ZBTB10: variants seen among roughly 807,000 people sequenced by gnomAD.
ZBTB10 encodes the protein zinc finger and BTB domain-containing protein 10.
Under a neutral mutation model 76.4 loss-of-function variants are expected in ZBTB10, and 32 were observed. The ratio of observed to expected loss-of-function variants is 0.42; its 90% CI spans 0.32 to 0.56. The LOEUF is 0.56. Ranked by LOEUF, ZBTB10 falls within the 20% of genes least tolerant of loss-of-function variation. The pLI is 0.14. For synonymous variants in ZBTB10, 523 were observed against 432.9 expected (o/e 1.21, Z -2.58); for missense variants, 1,057 against 1,098.5 (o/e 0.96, Z 0.53).
chr8:80,519,157 G>C, intron 5 of ZBTB10, 66 bp from the exon 6 acceptor site: 1 of 1,500,900 alleles, frequency 6.7e-7, no homozygotes, highest in Non-Finnish European at 8.9e-7. Context: ...GGTTTAATTT[G>C]AGTGGTTCAA....
At chr8:80,485,758 T>C (rs1296147818), upstream of ZBTB10, 6 of 1,530,914 alleles carry the variant, frequency 3.9e-6, no homozygotes, top group East Asian at 1.2e-4. Context: ...TTCACTTCCT[T>C]GGGCACCGCC....
chr8:80,518,273 TTTTA>T, intron 3 of ZBTB10, 126 bp from the exon 4 acceptor site: 1 of 905,180 alleles, frequency 1.1e-6, no homozygotes, highest in African/African-American at 1.9e-5. Context: ...TAAAATACAG[TTTTA>T]TTTAACTCAT....
chr8:80,513,086 C>T (rs142077358), intron 2 of ZBTB10, among the ~76,000 whole-genome samples: 8 of 152,152 alleles, frequency 5.3e-5, no homozygotes, highest in African/African-American at 1.9e-4. Flanking sequence ...TTCTCACTGT[C>T]TCATCTGTTT....
Position 80,486,464 on chromosome 8 carries a change from T to G in ZBTB10, c.-347T>G. On this transcript the variant is annotated 5_prime_UTR_variant, in exon 1 of 6. Coordinates refer to ENST00000455036, the MANE Select transcript of ZBTB10 (RefSeq NM_001105539.3). ...AGCGGAGGGTCTCCCCGCACTCCGC[T>G]GCTCAACTTCGAAGGCCTCGCTCGC... 2.0e-6 allele frequency: 2 copies of G among 985,038 alleles called. No individual in the cohort carries two copies. The highest frequency in any genetic ancestry group is 2.4e-6 in the Non-Finnish European group (2 of 829,938). The allele number at this position is 985,038 out of a possible 1,614,324, so 61.0% of individuals were successfully genotyped here. A position where few individuals can be genotyped will look rare whatever the true frequency, so the allele number is the denominator to read the frequency against.
Position 80,513,991 on chromosome 8 carries a change from A to G in ZBTB10, c.1943A>G (p.Gln648Arg). The change falls in exon 3 of 6, where the codon CAA (glutamine) becomes CGA (arginine). Residue 648 changes from glutamine to arginine, a missense_variant. Gln to Arg is a conservative substitution (Grantham distance 43). This residue lies in a region of ZBTB10 where 306 missense variants were observed against 297.5 expected (regional missense o/e 1.03). Transcript: ENST00000455036. ...TTATTGGCTGAAGCTGGCACTAGTC[A>G]AGATGGAGGTGATGCTGGTAGGTAC... ...ANLLAEAGTS[Q>R]DGGDAGTSHD... 1 of 1,613,470 alleles carries G rather than the reference A, an allele frequency of 6.2e-7. No individual in the cohort carries two copies. Among genetic ancestry groups the G allele is most frequent in the East Asian group, 2.2e-5 (1 of 44,858 alleles).
At chr8:80,504,657 C>T (rs1467815061) in intron 2 of ZBTB10, among the ~76,000 whole-genome samples, 1 of 152,108 alleles carries the variant, frequency 6.6e-6, no homozygotes, top group African/African-American at 2.4e-5. Context: ...AGAATATGCA[C>T]ATACTGGGAT....
At chr8:80,519,101 A>T in intron 5 of ZBTB10, 122 bp from the exon 6 acceptor site, 1 of 1,399,580 alleles carries the variant, frequency 7.1e-7, no homozygotes, top group Non-Finnish European at 9.5e-7. Context: ...ACTGATAGTG[A>T]GCTTTTTACA....
At position 80,526,259 on chromosome 8, in the gene ZBTB10, A is replaced by G. The variant is rs1210417648; in HGVS notation, c.*6731A>G. 1 of 152,214 alleles carries G rather than the reference A, an allele frequency of 6.6e-6. No homozygotes were observed. The highest frequency in any genetic ancestry group is 2.4e-5 in the African/African-American group (1 of 41,456). 9.4% of individuals were successfully genotyped at this position (152,214 alleles called of 1,614,324 possible). A position where few individuals can be genotyped will look rare whatever the true frequency, so the allele number is the denominator to read the frequency against. ...AATAATACATCAATAAAGGTATTTT[A>G]AAATGACCTAATGTTTTAGTTGCCA... is the stretch of plus-strand genomic sequence containing the variant. On this transcript the variant is annotated 3_prime_UTR_variant, in exon 6 of 6. Coordinates refer to ENST00000455036, the MANE Select transcript of ZBTB10 (RefSeq NM_001105539.3).
At chr8:80,493,043 G>A (rs1396485546) in intron 1 of ZBTB10, among the ~76,000 whole-genome samples, 1 of 151,384 alleles carries the variant, frequency 6.6e-6, no homozygotes, top group East Asian at 2.0e-4. Flanking sequence ...GTGAAACCCC[G>A]TCTCTACTGA....
intron 2 of ZBTB10, among the ~76,000 whole-genome samples, chr8:80,511,058 T>G (rs1816179827): frequency 6.6e-6 from 1 of 152,186 alleles, no homozygotes; most frequent in African/African-American, 2.4e-5. Context: ...ATATATTGGT[T>G]CCTGAAAGTT....
intron 1 of ZBTB10, among the ~76,000 whole-genome samples, chr8:80,493,195 G>C (rs1005371475): frequency 9.2e-6 from 1 of 109,186 alleles, no homozygotes; most frequent in Admixed American, 9.1e-5. Flanking sequence ...GCCTCAAAAC[G>C]CGCGCGCGCG....
intron 2 of ZBTB10, among the ~76,000 whole-genome samples, chr8:80,510,646 GTGTGTGTGT>G (rs1816166413): frequency 2.1e-5 from 3 of 145,256 alleles, no homozygotes; most frequent in Non-Finnish European, 3.1e-5. Context: ...ACCAGTGTGT[GTGTGTGTGT>G]GTGTGTGTGT....
In ZBTB10 at chr8:80,519,520, G is replaced by C. The variant is rs1451755936; in HGVS notation, c.2608G>C (p.Asp870His). The C allele has an allele frequency of 1.2e-6, 2 of 1,607,646 alleles. No individual in the cohort carries two copies. The highest frequency in any genetic ancestry group is 1.7e-6 in the Non-Finnish European group (2 of 1,176,962). Residue 870 changes from aspartate (D) to histidine (H), a missense_variant, in exon 6 of 6, where the codon GAT becomes CAT. By Grantham distance (81) the Asp-to-His change is moderately conservative (BLOSUM62 -1). Transcript: ENST00000455036. ...ATCAGGAGAAGTTTGTATGTCTCTAGATGATTAACTGACCTACTATACTCC... is the reference window on the plus strand; with the variant it reads ...ATCAGGAGAAGTTTGTATGTCTCTACATGATTAACTGACCTACTATACTCC... ...DESGEVCMSL[D>H]D
chr8:80,493,207 G>GCACACACACACACACACACACACA (rs369440030), intron 1 of ZBTB10, among the ~76,000 whole-genome samples: 1 of 125,244 alleles, frequency 8.0e-6, no homozygotes, highest in African/African-American at 3.1e-5. Flanking sequence ...GCGCGCGCGC[G>GCACACACACACACACACACACACA]CACACACACA....
In ZBTB10 at chr8:80,487,514, C is replaced by T. The variant is rs764512748; in HGVS notation, c.704C>T (p.Pro235Leu). Residue 235 changes from proline (P) to leucine (L), a missense_variant, in exon 1 of 6, where the codon CCG becomes CTG. This residue lies in a region of ZBTB10 where 556 missense variants were observed against 451.7 expected (regional missense o/e 1.23). Coordinates refer to ENST00000455036, the MANE Select transcript of ZBTB10 (RefSeq NM_001105539.3). ...GAAGGAGAGACTGTCCAGCACTTCC[C>T]GCTCGCGCGGCCCAAGTCTCTAATG... The part of the protein sequence containing the change: ...AGEGETVQHF[P>L]LARPKSLMQK... 5.8e-6 allele frequency: 9 copies of T among 1,563,422 alleles called. No individual in the cohort carries two copies. Among genetic ancestry groups the T allele is most frequent in the African/African-American group, 1.4e-5 (1 of 73,610 alleles).
intron 2 of ZBTB10, among the ~76,000 whole-genome samples, chr8:80,507,062 C>A (rs1035894818): frequency 1.3e-5 from 2 of 152,172 alleles, no homozygotes; most frequent in Non-Finnish European, 1.5e-5. Flanking sequence ...GTAATCCCAG[C>A]ACTTTGGGAG....
chr8:80,489,331 T>G (rs184588592), intron 1 of ZBTB10, among the ~76,000 whole-genome samples: 30 of 152,354 alleles, frequency 2.0e-4, no homozygotes, highest in African/African-American at 6.7e-4. Context: ...AGAAGAGGAA[T>G]CTAAAGCCTT....
intron 1 of ZBTB10, among the ~76,000 whole-genome samples, chr8:80,492,482 G>T (rs888777503): frequency 1.3e-4 from 20 of 151,990 alleles, no homozygotes; most frequent in Admixed American, 6.5e-4. Flanking sequence ...GTACATTGAA[G>T]AATTTTTTTT....
chr8:80,490,212 G>A (rs1815588912), intron 1 of ZBTB10, among the ~76,000 whole-genome samples: 1 of 152,154 alleles, frequency 6.6e-6, no homozygotes, highest in Non-Finnish European at 1.5e-5. Flanking sequence ...CAAAGTATAT[G>A]TGCCAGCATA....
Sources: gnomAD v4.1 joint callset for allele counts (sites outside exome capture counted in the v4.1 genomes callset) on GRCh38, gnomAD v4.1.1 for gene constraint, gnomAD v4.1.1 regional missense constraint, MANE v1.5 for transcripts, NCBI Gene and HGNC (gene_info 2026-07-23, HGNC 2026-07-21) for gene names.